Variants in NRG3 observed in about 807,000 individuals in gnomAD.
NRG3 encodes pro-neuregulin-3, membrane-bound isoform.
In NRG3, 31 loss-of-function variants were observed where a neutral mutation model predicts 66.9. The observed-to-expected ratio is 0.46, with a 90% confidence interval of 0.35 to 0.63. NRG3 has a LOEUF of 0.63. Ranked by LOEUF, NRG3 falls within the 20% of genes least tolerant of loss-of-function variation. The pLI is 0.00. For missense variants in NRG3, 910 were observed against 878.9 expected (o/e 1.04, Z -0.45); for synonymous variants, 393 against 359.4 (o/e 1.09, Z -1.06).
chr10:81,967,162 T>G (rs2133335924), intron 1 of NRG3, among the ~76,000 whole-genome samples: 1 of 152,060 alleles, frequency 6.6e-6, no homozygotes, highest in East Asian at 1.9e-4. Context: ...AGCTATAAAT[T>G]TTCCTTTGAA....
chr10:82,211,165 G>A (rs1273413932), intron 1 of NRG3, among the ~76,000 whole-genome samples: 1 of 152,024 alleles, frequency 6.6e-6, no homozygotes. Context: ...TGCAACCTTA[G>A]GCATCTTTTC....
At chr10:81,977,868 G>C (rs1174083360) in intron 1 of NRG3, among the ~76,000 whole-genome samples, 1 of 152,128 alleles carries the variant, frequency 6.6e-6, no homozygotes, top group African/African-American at 2.4e-5. Flanking sequence ...AAAGCAAATA[G>C]TATATCATCT....
chr10:82,911,025 C>CT (rs111283322), intron 4 of NRG3, among the ~76,000 whole-genome samples: 3,205 of 152,284 alleles, frequency 0.021, 127 homozygotes, highest in African/African-American at 0.073. Context: ...AATTAAATCC[C>CT]TTTACAAAAA....
At chr10:82,151,463 ACT>A (rs1479751998) in intron 1 of NRG3, among the ~76,000 whole-genome samples, 3 of 151,864 alleles carry the variant, frequency 2.0e-5, no homozygotes, top group Non-Finnish European at 4.4e-5. Flanking sequence ...GAGGATCAGG[ACT>A]CTTTCTGTGA....
intron 1 of NRG3, among the ~76,000 whole-genome samples, chr10:82,074,277 A>C (rs951682876): frequency 2.1e-4 from 32 of 152,206 alleles, no homozygotes; most frequent in African/African-American, 7.0e-4. Flanking sequence ...TCTGGAGTGC[A>C]ATGGGCAGTG....
At chr10:82,631,918 A>G (rs1483878620) in intron 2 of NRG3, among the ~76,000 whole-genome samples, 1 of 152,098 alleles carries the variant, frequency 6.6e-6, no homozygotes, top group African/African-American at 2.4e-5. Flanking sequence ...CCCGGCCAAC[A>G]TGGTGAAATT....
intron 1 of NRG3, among the ~76,000 whole-genome samples, chr10:82,319,666 C>G (rs1428362220): frequency 6.6e-6 from 1 of 152,196 alleles, no homozygotes; most frequent in African/African-American, 2.4e-5. Context: ...TGGCAAACCT[C>G]TGCCAGCACC....
chr10:82,655,766 A>C (rs917974386), intron 2 of NRG3, among the ~76,000 whole-genome samples: 1 of 152,226 alleles, frequency 6.6e-6, no homozygotes, highest in Non-Finnish European at 1.5e-5. Context: ...TCATGTGTCC[A>C]TAAAACAGAA....
chr10:82,297,830 C>A (rs775949943), intron 1 of NRG3, among the ~76,000 whole-genome samples: 140 of 151,976 alleles, frequency 9.2e-4, no homozygotes, highest in Non-Finnish European at 1.2e-3. Context: ...CATAGAATGA[C>A]AATATTATTT....
chr10:82,839,927 A>G (rs2062974206), intron 3 of NRG3, among the ~76,000 whole-genome samples: 1 of 152,116 alleles, frequency 6.6e-6, no homozygotes, highest in South Asian at 2.1e-4. Context: ...GATATCTCCA[A>G]TTCCAATTCA....
At chr10:82,260,515 A>G (rs960216042) in intron 1 of NRG3, among the ~76,000 whole-genome samples, 1 of 152,202 alleles carries the variant, frequency 6.6e-6, no homozygotes, top group African/African-American at 2.4e-5. Context: ...TTGGGTAAAG[A>G]CAATGAATGG....
intron 1 of NRG3, among the ~76,000 whole-genome samples, chr10:82,107,638 A>T (rs751042286): frequency 6.6e-6 from 1 of 152,242 alleles, no homozygotes; most frequent in Non-Finnish European, 1.5e-5. Flanking sequence ...GGCTTCTTAG[A>T]TACTTGTAGA....
At position 82,978,812 on chromosome 10, in the gene NRG3, CAGGG is replaced by C. The variant is rs1383304841; in HGVS notation, c.1413-136_1413-133del. 444 of 783,152 alleles carry C rather than the reference CAGGG, an allele frequency of 5.7e-4. 2 individuals carry two copies. In the East Asian group the frequency reaches 0.011, roughly 20 times the overall value. The allele number at this position is 783,152 out of a possible 1,614,324, so 48.5% of individuals were successfully genotyped here. ...CTCATTCTACCACATATACTTCATT[CAGGG>C]ATGGCCCTGGCCTAGAACTTTGAGA... On this transcript the variant is annotated intron_variant, in intron 7 of 8. Transcript: ENST00000372141.
At chr10:82,868,150 T>C (rs1840947455) in intron 4 of NRG3, among the ~76,000 whole-genome samples, 1 of 152,200 alleles carries the variant, frequency 6.6e-6, no homozygotes. Flanking sequence ...TTAATCCGTG[T>C]TGAAAGAAAT....
intron 3 of NRG3, among the ~76,000 whole-genome samples, chr10:82,858,302 T>G (rs995522847): frequency 6.6e-6 from 1 of 152,184 alleles, no homozygotes; most frequent in Non-Finnish European, 1.5e-5. Context: ...TCTCCCCTCC[T>G]AATCAGAACT....
At chr10:82,843,023 G>T (rs1359697327) in intron 3 of NRG3, among the ~76,000 whole-genome samples, 1 of 152,194 alleles carries the variant, frequency 6.6e-6, no homozygotes, top group African/African-American at 2.4e-5. Context: ...ACTATGTGAA[G>T]ATGATCTATC....
rs150709946 is a variant in NRG3 at position 82,502,903 on chromosome 10, T to G, written c.953+144035T>G. ...CTTAGTATGTGAAATGCACATATTTTAGATAGTCGACTTATTTAAAATGTT... is the reference window on the plus strand; with the variant it reads ...CTTAGTATGTGAAATGCACATATTTGAGATAGTCGACTTATTTAAAATGTT... On this transcript the variant is annotated intron_variant, in intron 2 of 8. Coordinates refer to ENST00000372141, the MANE Select transcript of NRG3 (RefSeq NM_001010848.4). Among the ~76,000 whole-genome samples the G allele has an allele frequency of 2.2e-3, 340 of 152,366 alleles. 9 individuals are homozygous for G. In the East Asian group the frequency reaches 0.052, roughly 23 times the overall value.
chr10:81,949,712 A>G (rs1015676936), intron 1 of NRG3, among the ~76,000 whole-genome samples: 6 of 152,198 alleles, frequency 3.9e-5, no homozygotes, highest in Non-Finnish European at 8.8e-5. Context: ...AGAAATTGGT[A>G]TTTATTTATG....
chr10:82,415,904 C>T (rs377474044), intron 2 of NRG3, among the ~76,000 whole-genome samples: 52 of 152,210 alleles, frequency 3.4e-4, no homozygotes, highest in African/African-American at 1.2e-3. Context: ...AAATATAGAA[C>T]TACTTTTCAC....
Sources: gnomAD v4.1 joint callset for allele counts (sites outside exome capture counted in the v4.1 genomes callset) on GRCh38, gnomAD v4.1.1 for gene constraint, MANE v1.5 for transcripts, NCBI Gene and HGNC (gene_info 2026-07-23, HGNC 2026-07-21) for gene names.